The following RAB40C variants were observed in gnomAD, a reference collection of about 807,000 sequenced individuals.
RAB40C encodes ras-related protein Rab-40C.
RAB40C carries 8 observed loss-of-function variants against 28.1 expected under a neutral mutation model. That is an observed-to-expected ratio of 0.28 (90% CI 0.17 to 0.51). The LOEUF (loss-of-function observed/expected upper bound fraction) is 0.51. Among genes scored for constraint, RAB40C ranks in the 20% least tolerant of loss-of-function variants. The pLI is 0.97. For missense variants in RAB40C, 288 were observed against 405.9 expected (o/e 0.71, Z 2.50); for synonymous variants, 201 against 171.7 (o/e 1.17, Z -1.34).
At chr16:590,498 C>T in intron 1 of RAB40C, 65 bp downstream of exon 1, 3 of 1,428,288 alleles carry the variant, frequency 2.1e-6, no homozygotes, top group South Asian at 1.4e-5. Context: ...GGGCACGGAG[C>T]TCGCCCTCGG....
intron 3 of RAB40C, among the ~76,000 whole-genome samples, chr16:618,720 G>C (rs987654407): frequency 1.3e-5 from 2 of 151,042 alleles, no homozygotes; most frequent in Non-Finnish European, 2.9e-5. Context: ...TCAGGGCCAT[G>C]TGTGTGCAGG....
intron 1 of RAB40C, among the ~76,000 whole-genome samples, chr16:614,088 C>T (rs1046224883): frequency 4.6e-5 from 7 of 150,792 alleles, no homozygotes; most frequent in East Asian, 2.0e-4. Context: ...GGTGAACTGC[C>T]GAACTCTACC....
chr16:596,272 G>A (rs899628510), intron 1 of RAB40C: 5 of 455,868 alleles, frequency 1.1e-5, no homozygotes, highest in African/African-American at 6.0e-5. Flanking sequence ...ACAAGGGAGG[G>A]ATCTGGGTCC....
chr16:595,028 A>G (rs1181165355), intron 1 of RAB40C, among the ~76,000 whole-genome samples: 1 of 152,082 alleles, frequency 6.6e-6, no homozygotes, highest in Non-Finnish European at 1.5e-5. Flanking sequence ...CATGTTGGCT[A>G]GGCTGGTCTC....
At chr16:621,919 G>A (rs117996073) in intron 3 of RAB40C, among the ~76,000 whole-genome samples, 3,055 of 152,312 alleles carry the variant, frequency 0.02, 41 homozygotes, top group Middle Eastern at 0.048. Flanking sequence ...ACACAGGTGG[G>A]CGGGTGGATG....
rs111467675 is a variant in RAB40C at position 627,988 on chromosome 16, C to T, written c.*366C>T. On this transcript the variant is annotated 3_prime_UTR_variant, in exon 6 of 6. Transcript: ENST00000248139. Reference sequence around the variant, plus strand: ...CCTTCAGGGAAGCCTGGGTGTGGCCCGGTGGTGGTGCACTGGTGACTTCAT... The same window carrying T: ...CCTTCAGGGAAGCCTGGGTGTGGCCTGGTGGTGGTGCACTGGTGACTTCAT... The T allele has an allele frequency of 2.4e-3, 522 of 213,500 alleles. 1 individual carries two copies. The highest frequency in any genetic ancestry group is 3.6e-3 in the Non-Finnish European group (389 of 108,350). 13.2% of individuals were successfully genotyped at this position (213,500 alleles called of 1,614,324 possible). A position where few individuals can be genotyped will look rare whatever the true frequency, so the allele number is the denominator to read the frequency against.
At chr16:621,878 C>T (rs1275975856) in intron 3 of RAB40C, among the ~76,000 whole-genome samples, 1 of 152,146 alleles carries the variant, frequency 6.6e-6, no homozygotes, top group Non-Finnish European at 1.5e-5. Context: ...GAGCGTGGTA[C>T]GGGAGGCACA....
intron 1 of RAB40C, among the ~76,000 whole-genome samples, chr16:616,340 T>TATTTATTTATTG (rs1259534767): frequency 6.7e-6 from 1 of 149,630 alleles, no homozygotes; most frequent in African/African-American, 2.5e-5. Flanking sequence ...GCATTTTATT[T>TATTTATTTATTG]ATTTATTTAT....
Position 628,980 on chromosome 16 carries a change from G to A in RAB40C, c.*1358G>A, listed in dbSNP as rs10153225. On this transcript the variant is annotated 3_prime_UTR_variant, in exon 6 of 6. Coordinates refer to ENST00000248139, the MANE Select transcript of RAB40C (RefSeq NM_021168.5). The stretch of plus-strand genomic sequence containing the variant: ...GGCCCGTTCCTGGGAGATGAGGGCC[G>A]TGGCCTGCATGAACTACCAGATGAG... The A allele has an allele frequency of 0.029, 4,486 of 154,238 alleles. 198 individuals carry two copies. Among genetic ancestry groups the A allele is most frequent in the African/African-American group, 0.094 (3,896 of 41,588 alleles). 9.6% of individuals were successfully genotyped at this position (154,238 alleles called of 1,614,324 possible).
chr16:602,371 C>T (rs1329272331), intron 1 of RAB40C, among the ~76,000 whole-genome samples: 1 of 151,794 alleles, frequency 6.6e-6, no homozygotes, highest in Non-Finnish European at 1.5e-5. Context: ...CCTCCCGCCT[C>T]AGCCTCTCAA....
chr16:591,224 A>G (rs1304640847), intron 1 of RAB40C, among the ~76,000 whole-genome samples: 1 of 141,120 alleles, frequency 7.1e-6, no homozygotes, highest in Non-Finnish European at 1.5e-5. Flanking sequence ...ATCTCAGGGG[A>G]AGGTGTCATG....
intron 1 of RAB40C, among the ~76,000 whole-genome samples, chr16:604,020 C>T (rs2036307475): frequency 6.6e-6 from 1 of 151,444 alleles, no homozygotes; most frequent in Non-Finnish European, 1.5e-5. Context: ...TGGGGTATTA[C>T]GAATAATGCT....
At chr16:605,919 C>A (rs2036352295) in intron 1 of RAB40C, among the ~76,000 whole-genome samples, 1 of 152,224 alleles carries the variant, frequency 6.6e-6, no homozygotes, top group Non-Finnish European at 1.5e-5. Context: ...TGTTCTAAGT[C>A]CTGCCTTCCT....
intron 1 of RAB40C, among the ~76,000 whole-genome samples, chr16:599,074 A>G (rs2036193722): frequency 6.6e-6 from 1 of 152,240 alleles, no homozygotes; most frequent in South Asian, 2.1e-4. Context: ...GTAATAGGGT[A>G]GATGACATCA....
intron 1 of RAB40C, among the ~76,000 whole-genome samples, chr16:592,346 G>A (rs866111943): frequency 1.4e-4 from 22 of 152,336 alleles, no homozygotes; most frequent in African/African-American, 5.3e-4. Flanking sequence ...GGCTGAGCGC[G>A]CTTCCTCCTG....
chr16:625,780 A>G, intron 4 of RAB40C, 119 bp from the exon 5 acceptor site: 1 of 1,086,438 alleles, frequency 9.2e-7, no homozygotes, highest in South Asian at 1.5e-5. Context: ...ACCTCCGCCC[A>G]CCTTGACCTC....
At chr16:624,882 C>A (rs184384355) in intron 3 of RAB40C, 1 of 985,472 alleles carries the variant, frequency 1.0e-6, no homozygotes, top group Non-Finnish European at 1.2e-6. Context: ...CAGAGCTGAG[C>A]TCCAAGTAAT....
intron 1 of RAB40C, among the ~76,000 whole-genome samples, 185 bp downstream of exon 1, chr16:590,618 C>G (rs899284634): frequency 5.9e-5 from 9 of 152,186 alleles, no homozygotes; most frequent in Non-Finnish European, 1.3e-4. Flanking sequence ...CGAGGTGACG[C>G]CGGGGGGCAG....
At chr16:602,128 A>C (rs945181081) in intron 1 of RAB40C, among the ~76,000 whole-genome samples, 4 of 152,116 alleles carry the variant, frequency 2.6e-5, no homozygotes, top group Admixed American at 2.6e-4. Flanking sequence ...ACAAAACAAA[A>C]AACTACTGAT....
Sources: gnomAD v4.1 joint callset for allele counts (sites outside exome capture counted in the v4.1 genomes callset) on GRCh38, gnomAD v4.1.1 for gene constraint, MANE v1.5 for transcripts, NCBI Gene and HGNC (gene_info 2026-07-23, HGNC 2026-07-21) for gene names.